The following CPVL variants were observed in gnomAD, a reference collection of about 807,000 sequenced individuals.
The protein encoded by CPVL is probable serine carboxypeptidase CPVL.
In CPVL, 51 loss-of-function variants were observed where a neutral mutation model predicts 63.7. The observed-to-expected ratio is 0.80, with a 90% CI of 0.64 to 1.01. The LOEUF (loss-of-function observed/expected upper bound fraction) is 1.01. Ranked by LOEUF, CPVL falls within the 50% of genes least tolerant of loss-of-function variation. CPVL has a pLI of 0.00. For synonymous variants in CPVL, 195 were observed against 206.0 expected, an observed-to-expected ratio of 0.95 and a Z score of 0.46; for missense variants, 530 against 573.1, an observed-to-expected ratio of 0.92 and a Z score of 0.77.
intron 11 of CPVL, among the ~76,000 whole-genome samples, chr7:29,046,843 T>C (rs1158218678): frequency 1.3e-5 from 2 of 152,162 alleles, no homozygotes; most frequent in African/African-American, 4.8e-5. Flanking sequence ...CCCTATCCTT[T>C]CATCACCATG....
At chr7:29,001,318 C>T (rs1317881442) in intron 12 of CPVL, 1 of 152,164 alleles carries the variant, frequency 6.6e-6, no homozygotes, top group East Asian at 1.9e-4. Context: ...TTTATTGTTT[C>T]TGCTTTCCAG....
At chr7:29,009,475 C>T (rs1320884281) in intron 12 of CPVL, 3 of 151,948 alleles carry the variant, frequency 2.0e-5, no homozygotes, top group African/African-American at 7.3e-5. Context: ...TCTGTAGAAG[C>T]AAAATACTGA....
intron 12 of CPVL, among the ~76,000 whole-genome samples, chr7:29,024,187 A>G (rs895382563): frequency 1.3e-5 from 2 of 152,212 alleles, no homozygotes; most frequent in Non-Finnish European, 2.9e-5. Context: ...GAAGAATTCA[A>G]TGAATGAAAC....
chr7:29,135,480 C>T lies in CPVL; in HGVS notation c.-11+10949G>A, dbSNP rs372726846. ...CTGAGTAGCTGGGATTACAGGTGCA[C>T]GCCACCATGCCTAACTAATTTTTTT... On this transcript the variant is annotated intron_variant, in intron 1 of 12. Transcript: ENST00000265394. 4.7e-3 allele frequency among the ~76,000 whole-genome samples: 719 copies of T among 151,722 alleles called. 6 individuals are homozygous for T. Among genetic ancestry groups the T allele is most frequent in the African/African-American group, 0.016 (678 of 41,380 alleles).
intron 2 of CPVL, among the ~76,000 whole-genome samples, chr7:29,115,915 T>G (rs1474113425): frequency 6.6e-6 from 1 of 152,188 alleles, no homozygotes; most frequent in African/African-American, 2.4e-5. Flanking sequence ...TGTTCACTCA[T>G]CCCTCCCTTC....
At position 29,019,050 on chromosome 7, in the gene CPVL, A is replaced by AAT. The variant is rs34018632; in HGVS notation, c.1320+11525_1320+11526dup. Among the ~76,000 whole-genome samples the AAT allele has an allele frequency of 7.3e-3, 1,083 of 149,280 alleles. 5 individuals are homozygous for AAT. The highest frequency in any genetic ancestry group is 0.015 in the African/African-American group (599 of 40,864). ...TATATGGTATATAGAGATAGGTATA[A>AAT]ATATATATATATATATATTTACATA... On this transcript the variant is annotated intron_variant, in intron 12 of 12. Transcript: ENST00000265394.
intron 11 of CPVL, among the ~76,000 whole-genome samples, chr7:29,056,269 T>C (rs1790722526): frequency 1.3e-5 from 2 of 152,210 alleles, no homozygotes; most frequent in South Asian, 4.1e-4. Context: ...GACAAATGCA[T>C]AACATCTTGT....
upstream of CPVL, among the ~76,000 whole-genome samples, chr7:29,149,650 A>G (rs1390501848): frequency 1.3e-5 from 2 of 152,194 alleles, no homozygotes; most frequent in African/African-American, 4.8e-5. Context: ...GGAGGCTACA[A>G]GTCTGAAATT....
chr7:29,082,295 T>C (rs962906726), intron 7 of CPVL: 6 of 152,234 alleles, frequency 3.9e-5, no homozygotes, highest in African/African-American at 1.4e-4. Flanking sequence ...GGAAGTGATC[T>C]AGTTTAACAA....
At chr7:29,084,237 T>C (rs191187739) in intron 7 of CPVL, among the ~76,000 whole-genome samples, 65 of 152,350 alleles carry the variant, frequency 4.3e-4, no homozygotes, top group African/African-American at 1.5e-3. Context: ...CTGGCCTCTT[T>C]CTGCTCAGCT....
At chr7:29,067,291 G>A (rs1783231128) in intron 9 of CPVL, among the ~76,000 whole-genome samples, 2 of 152,178 alleles carry the variant, frequency 1.3e-5, no homozygotes, top group Non-Finnish European at 2.9e-5. Flanking sequence ...ATTATGACAA[G>A]AATAATGCTG....
chr7:29,168,772 C>T (rs763589311), intron 5 of CPVL, among the ~76,000 whole-genome samples: 13 of 152,192 alleles, frequency 8.5e-5, no homozygotes, highest in Non-Finnish European at 1.8e-4. Context: ...GCTAAAAGCA[C>T]TAGAAGTAAT....
chr7:29,109,992 T>C (rs571371151), intron 3 of CPVL, among the ~76,000 whole-genome samples: 1 of 152,230 alleles, frequency 6.6e-6, no homozygotes, highest in Admixed American at 6.5e-5. Context: ...ACCTACATTC[T>C]AGACATAGCT....
intron 10 of CPVL, 44 bp downstream of exon 10, chr7:29,065,979 A>G (rs1263777095): frequency 2.4e-6 from 3 of 1,269,672 alleles, no homozygotes; most frequent in Non-Finnish European, 3.4e-6. Flanking sequence ...GGTTTTGCCA[A>G]AAGTTTTAAG....
At position 28,997,261 on chromosome 7, in the gene CPVL, C is replaced by T. The variant is rs143459525; in HGVS notation, c.1321-1379G>A. Among the ~76,000 whole-genome samples, 142 of 152,266 alleles carry T rather than the reference C, an allele frequency of 9.3e-4. 1 individual carries two copies. Among genetic ancestry groups the T allele is most frequent in the African/African-American group, 3.2e-3 (134 of 41,554 alleles). On this transcript the variant is annotated intron_variant, in intron 12 of 12. Coordinates refer to ENST00000265394, the MANE Select transcript of CPVL (RefSeq NM_031311.5). ...GGTACCAGTGCATGAAGTGAATAAA[C>T]GTATGCAAAAAGGACATCACTTTCA...
At chr7:29,161,451 C>T (rs751527282) in intron 5 of CPVL, among the ~76,000 whole-genome samples, 13 of 152,128 alleles carry the variant, frequency 8.5e-5, no homozygotes, top group Non-Finnish European at 1.9e-4. Flanking sequence ...CCAGCTGGAC[C>T]CCCTCTACTT....
Position 29,072,308 on chromosome 7 carries a change from G to A in CPVL, c.725C>T (p.Pro242Leu). 6.2e-7 allele frequency: 1 copy of A among 1,613,926 alleles called. No homozygotes were observed. Among genetic ancestry groups the A allele is most frequent in the Non-Finnish European group, 8.5e-7 (1 of 1,179,960 alleles). The change falls in exon 8 of 13, where the codon CCC (proline) becomes CTC (leucine). Residue 242 changes from proline to leucine, a missense_variant. Transcript: ENST00000265394. ...GIAIGDGYSD[P>L]ESIIGGYAEF... ...TCAGAAGGAGAAACCTACTGATTCG[G>A]GATCAGAATATCCATCTCCAATAGC... is the stretch of plus-strand genomic sequence containing the variant.
intron 5 of CPVL, among the ~76,000 whole-genome samples, chr7:29,179,300 C>A (rs1797773446): frequency 6.6e-6 from 1 of 152,234 alleles, no homozygotes; most frequent in African/African-American, 2.4e-5. Context: ...CACGCCAAGT[C>A]ATGAGGAAGA....
At chr7:29,006,482 C>T (rs1456793130) in intron 12 of CPVL, among the ~76,000 whole-genome samples, 1 of 152,194 alleles carries the variant, frequency 6.6e-6, no homozygotes, top group Non-Finnish European at 1.5e-5. Context: ...GTTTCCATTT[C>T]TGCCTACCCT....
Sources: allele counts gnomAD v4.1 joint callset (sites outside exome capture counted in the v4.1 genomes callset), GRCh38; gene constraint gnomAD v4.1.1; transcripts MANE v1.5; gene names NCBI Gene and HGNC (gene_info 2026-07-23, HGNC 2026-07-21).